CCSER1: variants seen among roughly 807,000 people sequenced by gnomAD.
CCSER1 encodes coiled-coil serine rich protein 1, also known as serine-rich coiled-coil domain-containing protein 1.
CCSER1 carries 41 observed loss-of-function variants against 82.0 expected under a neutral mutation model. The ratio of observed to expected loss-of-function variants is 0.50; its 90% confidence interval spans 0.39 to 0.65. The LOEUF is 0.65. CCSER1 is among the 30% of genes least tolerant of loss of function. The probability of loss-of-function intolerance (pLI) is 0.00; values close to 1 mark genes in which losing one functional copy is unlikely to be tolerated. For missense variants in CCSER1, 1,119 were observed against 1,064.2 expected, an observed-to-expected ratio of 1.05 and a Z score of -0.72; for synonymous variants, 414 against 383.9, an observed-to-expected ratio of 1.08 and a Z score of -0.92.
At chr4:91,208,387 C>T (rs1367427420) in intron 10 of CCSER1, among the ~76,000 whole-genome samples, 1 of 151,772 alleles carries the variant, frequency 6.6e-6, no homozygotes, top group African/African-American at 2.4e-5. Context: ...TTTAATCTAT[C>T]CTGAGTTGAT....
intron 9 of CCSER1, among the ~76,000 whole-genome samples, chr4:90,959,934 T>C (rs1478153065): frequency 6.6e-6 from 1 of 152,134 alleles, no homozygotes; most frequent in Non-Finnish European, 1.5e-5. Flanking sequence ...TTCAATCTAA[T>C]ACCCAAATCC....
chr4:91,594,463 A>G (rs143131852), intron 10 of CCSER1, among the ~76,000 whole-genome samples: 286 of 148,916 alleles, frequency 1.9e-3, no homozygotes, highest in African/African-American at 6.7e-3. Flanking sequence ...ATATACACAC[A>G]TATATACATA....
intron 6 of CCSER1, among the ~76,000 whole-genome samples, chr4:90,640,566 G>C (rs1478154926): frequency 6.6e-6 from 1 of 152,068 alleles, no homozygotes. Context: ...GATATGATTA[G>C]GCTTTACGTC....
intron 5 of CCSER1, among the ~76,000 whole-genome samples, chr4:90,501,072 AT>A (rs1769801812): frequency 6.6e-6 from 1 of 152,108 alleles, no homozygotes; most frequent in Admixed American, 6.6e-5. Context: ...ATTGGAAAAA[AT>A]TTATTCTAGA....
chr4:90,416,219 A>G (rs568322438), intron 4 of CCSER1, among the ~76,000 whole-genome samples: 106 of 152,310 alleles, frequency 7.0e-4, no homozygotes, highest in African/African-American at 2.5e-3. Flanking sequence ...TAAATATTTT[A>G]AAATTCATAA....
At chr4:90,410,923 T>C (rs1278574860) in intron 4 of CCSER1, among the ~76,000 whole-genome samples, 1 of 151,844 alleles carries the variant, frequency 6.6e-6, no homozygotes, top group Non-Finnish European at 1.5e-5. Flanking sequence ...ATAGACACAA[T>C]AAAAAATGAC....
chr4:91,213,479 A>T (rs2149088236), intron 10 of CCSER1, among the ~76,000 whole-genome samples: 1 of 152,272 alleles, frequency 6.6e-6, no homozygotes, highest in East Asian at 1.9e-4. Flanking sequence ...ATTCCAAATG[A>T]ACTCTTTGCT....
chr4:91,176,411 G>T (rs1323490329), intron 10 of CCSER1, among the ~76,000 whole-genome samples: 5 of 152,124 alleles, frequency 3.3e-5, no homozygotes, highest in Non-Finnish European at 5.9e-5. Flanking sequence ...AAATTACCTT[G>T]GGCAGTGTGG....
At chr4:91,292,644 C>T (rs1743842494) in intron 10 of CCSER1, among the ~76,000 whole-genome samples, 2 of 152,044 alleles carry the variant, frequency 1.3e-5, no homozygotes, top group African/African-American at 4.8e-5. Flanking sequence ...TTGCAGAAGT[C>T]TGATATGAAT....
chr4:90,385,597 C>T (rs1337890303), intron 3 of CCSER1, among the ~76,000 whole-genome samples: 2 of 151,324 alleles, frequency 1.3e-5, no homozygotes, highest in African/African-American at 4.9e-5. Flanking sequence ...GTAGCTAGGA[C>T]TACAGGCGCT....
At chr4:90,481,308 A>C (rs954129657) in intron 5 of CCSER1, among the ~76,000 whole-genome samples, 1 of 152,202 alleles carries the variant, frequency 6.6e-6, no homozygotes, top group East Asian at 1.9e-4. Flanking sequence ...CAATCATGTC[A>C]TCTGCAAACA....
chr4:90,783,485 G>C (rs1300544121), intron 7 of CCSER1, among the ~76,000 whole-genome samples: 1 of 152,156 alleles, frequency 6.6e-6, no homozygotes, highest in Non-Finnish European at 1.5e-5. Flanking sequence ...AACTCCTGGG[G>C]ATCACATTCT....
In CCSER1 at chr4:91,022,246, G is replaced by A. The variant is rs186432749; in HGVS notation, c.2173-63704G>A. 8.0e-3 allele frequency among the ~76,000 whole-genome samples: 1,191 copies of A among 148,560 alleles called. 11 individuals are homozygous for A. Among genetic ancestry groups the A allele is most frequent in the African/African-American group, 0.027 (1,085 of 40,136 alleles). ...AATTCCCACCTATGAGTGAGAACATGCGGTGTTTGGTTTTTTTGTCCTTGT... is the reference window on the plus strand; with the variant it reads ...AATTCCCACCTATGAGTGAGAACATACGGTGTTTGGTTTTTTTGTCCTTGT... On this transcript the variant is annotated intron_variant, in intron 9 of 10. Transcript: ENST00000509176.
chr4:90,806,314 TTGTGAAC>T (rs1757504845), intron 7 of CCSER1, among the ~76,000 whole-genome samples: 1 of 152,218 alleles, frequency 6.6e-6, no homozygotes, highest in African/African-American at 2.4e-5. Context: ...TGTGGTGAGA[TTGTGAAC>T]TCCTTCAGAA....
At chr4:91,055,053 G>T (rs1008029753) in intron 9 of CCSER1, among the ~76,000 whole-genome samples, 9 of 151,994 alleles carry the variant, frequency 5.9e-5, no homozygotes, top group African/African-American at 2.2e-4. Flanking sequence ...TATAGCTTTT[G>T]TGTCCTTCCT....
intron 10 of CCSER1, among the ~76,000 whole-genome samples, chr4:91,153,689 G>A (rs535025668): frequency 2.6e-5 from 4 of 151,984 alleles, no homozygotes; most frequent in African/African-American, 9.6e-5. Context: ...TGGTGTTTTG[G>A]TGTGGATGTC....
intron 1 of CCSER1, among the ~76,000 whole-genome samples, chr4:90,185,609 A>T (rs577787137): frequency 5.6e-4 from 85 of 152,134 alleles, no homozygotes; most frequent in African/African-American, 2.0e-3. Context: ...TGCCACTGTT[A>T]TCTGTATGCC....
rs189372267 is a variant in CCSER1, at chr4:91,571,506, G to A, written c.2218-27066G>A. Among the ~76,000 whole-genome samples the A allele has an allele frequency of 3.3e-5, 5 of 152,146 alleles. No individual in the cohort carries two copies. In the East Asian group the frequency reaches 9.7e-4, roughly 29 times the overall value. ...GGGAAACTTACAATCATGTCAGAAGGCACCTCTTCACAGGGCAGCAGGAGT... is the reference window on the plus strand; with the variant it reads ...GGGAAACTTACAATCATGTCAGAAGACACCTCTTCACAGGGCAGCAGGAGT... On this transcript the variant is annotated intron_variant, in intron 10 of 10. Coordinates refer to ENST00000509176, the MANE Select transcript of CCSER1 (RefSeq NM_001145065.2).
intron 8 of CCSER1, among the ~76,000 whole-genome samples, chr4:90,828,127 G>A (rs977600753): frequency 5.9e-5 from 9 of 152,034 alleles, no homozygotes; most frequent in East Asian, 3.9e-4. Flanking sequence ...TATTACTTTC[G>A]GAGGAGCTGT....
Sources: gnomAD v4.1 joint callset for allele counts (sites outside exome capture counted in the v4.1 genomes callset) on GRCh38, gnomAD v4.1.1 for gene constraint, MANE v1.5 for transcripts, NCBI Gene and HGNC (gene_info 2026-07-23, HGNC 2026-07-21) for gene names.